Variants in ZNF263 observed in about 807,000 individuals in gnomAD.
ZNF263 encodes the protein zinc finger protein 263, also known as zinc finger protein FPM315.
ZNF263 carries 49 observed loss-of-function variants against 63.1 expected under a neutral mutation model. The ratio of observed to expected loss-of-function variants is 0.78; its 90% confidence interval spans 0.62 to 0.99. The LOEUF (loss-of-function observed/expected upper bound fraction) is 0.99, where lower values mean the gene tolerates loss of function less well. ZNF263 is among the 50% of genes least tolerant of loss of function. The pLI is 0.00. For missense variants in ZNF263, 872 were observed against 854.8 expected (o/e 1.02, Z -0.25); for synonymous variants, 352 against 324.2 (o/e 1.09, Z -0.92).
intron 2 of ZNF263, chr16:3,299,804 C>A: frequency 6.3e-7 from 1 of 1,584,536 alleles, no homozygotes; most frequent in Non-Finnish European, 8.6e-7. Flanking sequence ...ACCTCAGGAA[C>A]AAAGTTTTGA....
intron 2 of ZNF263, chr16:3,299,766 T>G: frequency 5.1e-6 from 8 of 1,555,574 alleles, no homozygotes; most frequent in Non-Finnish European, 6.9e-6. Flanking sequence ...CGTCATGAAA[T>G]CTTAGAACAT....
chr16:3,300,543 A>G lies in ZNF263; in HGVS notation c.*47-370A>G, dbSNP rs1006333896. The G allele has an allele frequency of 9.9e-6, 16 of 1,613,328 alleles. No homozygotes were observed. The African/African-American group carries it at 2.0e-4, about 20-fold the overall frequency. ...CCATTACACTTTTAAGTGATCGTCC[A>G]GCTTCAATTCTACTTAGAACCTTCA... On this transcript the variant is annotated intron_variant, in intron 2 of 2. Transcript: ENST00000574674.
downstream of ZNF263, among the ~76,000 whole-genome samples, chr16:3,295,031 G>C (rs1182283738): frequency 6.6e-6 from 1 of 152,204 alleles, no homozygotes; most frequent in Non-Finnish European, 1.5e-5. Flanking sequence ...CCCGGCAGGA[G>C]TCCAGCCCCA....
intron 5 of ZNF263, among the ~76,000 whole-genome samples, chr16:3,288,837 G>C (rs1959486851): frequency 6.6e-6 from 1 of 152,072 alleles, no homozygotes; most frequent in African/African-American, 2.4e-5. Context: ...AGTAGAGTCG[G>C]GGTTTCTCCA....
Position 3,283,948 on chromosome 16 carries a change from T to C in ZNF263, c.130T>C (p.Phe44Leu). Residue 44 changes from phenylalanine to leucine, a missense_variant, in exon 1 of 6, where the codon TTC becomes CTC. By Grantham distance (22) the Phe-to-Leu change is conservative. Transcript: ENST00000219069. ...GAGCCCCGAGGCCTCCCACTTGCGC[T>C]TCAGACGGTTCCGCTTCCAAGAGGC... ...GPSPEASHLR[F>L]RRFRFQEAAG... The C allele has an allele frequency of 6.2e-7, 1 of 1,613,890 alleles. No individual in the cohort carries two copies. Among genetic ancestry groups the C allele is most frequent in the Non-Finnish European group, 8.5e-7 (1 of 1,179,996 alleles).
chr16:3,283,756 T>C lies in ZNF263; in HGVS notation c.-63T>C. Reference sequence around the variant, plus strand: ...CTGGCGCCGTCCAACCTTACATGGGTTCAGGGCGCCTTCGTAGGCGGGCAC... The same window carrying C: ...CTGGCGCCGTCCAACCTTACATGGGCTCAGGGCGCCTTCGTAGGCGGGCAC... On this transcript the variant is annotated 5_prime_UTR_variant, in exon 1 of 6. Transcript: ENST00000219069. 7 of 1,490,856 alleles carry C rather than the reference T, an allele frequency of 4.7e-6. No individual in the cohort carries two copies. The highest frequency in any genetic ancestry group is 5.3e-6 in the Non-Finnish European group (6 of 1,126,864). 92.4% of individuals were successfully genotyped at this position (1,490,856 alleles called of 1,614,324 possible).
At chr16:3,297,293 CAAA>C (rs528444112) in intron 1 of ZNF263, among the ~76,000 whole-genome samples, 3 of 53,816 alleles carry the variant, frequency 5.6e-5, no homozygotes, top group Admixed American at 2.2e-4. Flanking sequence ...GACTCCATCT[CAAA>C]AAAAAAAAAA....
intron 2 of ZNF263, chr16:3,300,382 C>A (rs1245886901): frequency 6.2e-7 from 1 of 1,614,208 alleles, no homozygotes; most frequent in Admixed American, 1.7e-5. Flanking sequence ...ATCTACATCA[C>A]CATATTTGGC....
At position 3,300,676 on chromosome 16, in the gene ZNF263, C is replaced by CA. The variant is rs375326931; in HGVS notation, c.*47-227dup. 4.9e-3 allele frequency: 6,063 copies of CA among 1,237,144 alleles called. 2 individuals carry two copies. The highest frequency in any genetic ancestry group is 0.011 in the South Asian group (600 of 54,496). 76.6% of individuals were successfully genotyped at this position (1,237,144 alleles called of 1,614,324 possible). On this transcript the variant is annotated intron_variant, in intron 2 of 2. Transcript: ENST00000574674. The stretch of plus-strand genomic sequence containing the variant: ...AAAGGGAAAAGCCTTAATGAATTGG[C>CA]AAAAAAAAAACCCACATTTTTTAAA...
exon 3 of ZNF263, chr16:3,300,950 C>G (rs1216127125): frequency 4.5e-6 from 1 of 220,510 alleles, no homozygotes; most frequent in Non-Finnish European, 9.7e-6. Context: ...GGAATACCTG[C>G]ATACTTTCCC....
chr16:3,289,417 A>C lies in ZNF263; in HGVS notation c.911A>C (p.Glu304Ala). The C allele has an allele frequency of 6.6e-7, 1 of 1,511,472 alleles. No homozygotes were observed. The highest frequency in any genetic ancestry group is 2.3e-5 in the East Asian group (1 of 43,888). 93.6% of individuals were successfully genotyped at this position (1,511,472 alleles called of 1,614,324 possible). ...APGEEKFENL[E>A]GVPSVCSENI... ...GGAGAAGAGAAATTTGAGAACCTGG[A>C]AGGTGTTCCGTCTGTATGCTCTGAG... Residue 304 changes from glutamate to alanine, a missense_variant, in exon 6 of 6, where the codon GAA becomes GCA. Glu to Ala is a moderately radical substitution (Grantham distance 107, BLOSUM62 -1). Transcript: ENST00000219069.
rs747202333 is a variant in ZNF263, at chr16:3,290,145, C to T, written c.1639C>T (p.Pro547Ser). 1.9e-6 allele frequency: 3 copies of T among 1,613,946 alleles called. No individual in the cohort carries two copies. Among genetic ancestry groups the T allele is most frequent in the Non-Finnish European group, 2.5e-6 (3 of 1,179,980 alleles). The change falls in exon 6 of 6, where the codon CCC becomes TCC. Residue 547 changes from proline to serine, a missense_variant. By Grantham distance (74) the Pro-to-Ser change is moderately conservative (BLOSUM62 -1). Transcript: ENST00000219069. Reference sequence around the variant, plus strand: ...AACTCATGAGAGAGAGAGACTTTACCCCTTCTCTGAGTGTGGGGAAGCTGT... The same window carrying T: ...AACTCATGAGAGAGAGAGACTTTACTCCTTCTCTGAGTGTGGGGAAGCTGT... The part of the protein sequence containing the change: ...ERTHERERLY[P>S]FSECGEAVSD...
At chr16:3,300,403 C>G in intron 2 of ZNF263, 1 of 1,614,200 alleles carries the variant, frequency 6.2e-7, no homozygotes, top group Non-Finnish European at 8.5e-7. Context: ...TCCCGTTGTC[C>G]TCTTTCTCTT....
At chr16:3,294,825 C>A (rs1006991734), downstream of ZNF263, among the ~76,000 whole-genome samples, 1 of 152,210 alleles carries the variant, frequency 6.6e-6, no homozygotes, top group Non-Finnish European at 1.5e-5. Flanking sequence ...GCATCCCCAA[C>A]GTGCTCCAAG....
At chr16:3,298,153 ACT>A (rs770826957) in intron 1 of ZNF263, among the ~76,000 whole-genome samples, 5 of 152,100 alleles carry the variant, frequency 3.3e-5, no homozygotes, top group Non-Finnish European at 7.4e-5. Flanking sequence ...CCTAAGGGAA[ACT>A]CTCAGAAATA....
rs989814510 is a variant in ZNF263 at position 3,290,704 on chromosome 16, A to G, written c.*146A>G. 1 of 1,434,564 alleles carries G rather than the reference A, an allele frequency of 7.0e-7. No homozygotes were observed. Among genetic ancestry groups the G allele is most frequent in the African/African-American group, 1.4e-5 (1 of 69,722 alleles). The allele number at this position is 1,434,564 out of a possible 1,614,324, so 88.9% of individuals were successfully genotyped here. ...CTCATTGTGAGGGAGGTGCAGAGGC[A>G]GCAGAGGATTGGCATAAAACTGAAA... On this transcript the variant is annotated 3_prime_UTR_variant, in exon 6 of 6. Coordinates refer to ENST00000219069, the MANE Select transcript of ZNF263 (RefSeq NM_005741.5).
chr16:3,296,881 A>G (rs983671051), intron 1 of ZNF263, among the ~76,000 whole-genome samples: 3 of 152,264 alleles, frequency 2.0e-5, no homozygotes, highest in African/African-American at 7.2e-5. Context: ...TTTTACTTAA[A>G]TTAGGAATAA....
Position 3,283,644 on chromosome 16 carries a change from C to T in ZNF263, c.-175C>T. ...CCGGCGTGGCGGCGCCTGGGACCGA[C>T]TGAGGCCTAGGCGCCGGAGCCGGCC... is the stretch of plus-strand genomic sequence containing the variant. On this transcript the variant is annotated 5_prime_UTR_variant, in exon 1 of 6. Coordinates refer to ENST00000219069, the MANE Select transcript of ZNF263 (RefSeq NM_005741.5). 9.3e-7 allele frequency: 1 copy of T among 1,071,198 alleles called. No individual in the cohort carries two copies. Among genetic ancestry groups the T allele is most frequent in the East Asian group, 3.2e-5 (1 of 30,960 alleles). The allele number at this position is 1,071,198 out of a possible 1,614,324, so 66.4% of individuals were successfully genotyped here.
chr16:3,299,870 A>G (rs1320292881), intron 2 of ZNF263: 35 of 1,599,330 alleles, frequency 2.2e-5, no homozygotes, highest in Non-Finnish European at 2.9e-5. Context: ...CTGGGTTTAT[A>G]TATCACAGGC....
Sources: allele counts gnomAD v4.1 joint callset (sites outside exome capture counted in the v4.1 genomes callset), GRCh38; gene constraint gnomAD v4.1.1; transcripts MANE v1.5; gene names NCBI Gene and HGNC (gene_info 2026-07-23, HGNC 2026-07-21).